The following PATL2 variants were observed in gnomAD, a reference collection of about 807,000 sequenced individuals.
The protein encoded by PATL2 is PAT1 homolog 2, also known as protein PAT1 homolog 2.
A neutral mutation model predicts 77.0 loss-of-function variants in PATL2; 73 were observed. That is an observed-to-expected ratio of 0.95 (90% confidence interval 0.78 to 1.15). The LOEUF (loss-of-function observed/expected upper bound fraction) is 1.15. PATL2 is among the 50% of genes most tolerant of loss of function. The pLI is 0.00. For missense variants in PATL2, 618 were observed against 655.4 expected (o/e 0.94, Z 0.62); for synonymous variants, 265 against 257.1 (o/e 1.03, Z -0.29).
At chr15:44,705,182 CTCTT>C (rs1020185762) in intron 3 of PATL2, among the ~76,000 whole-genome samples, 4 of 151,864 alleles carry the variant, frequency 2.6e-5, no homozygotes, top group African/African-American at 9.7e-5. Flanking sequence ...AGGCCAATAA[CTCTT>C]TTTTTTTTCT....
chr15:44,681,306 A>G (rs2141227224), intron 3 of PATL2, among the ~76,000 whole-genome samples: 1 of 152,318 alleles, frequency 6.6e-6, no homozygotes, highest in African/African-American at 2.4e-5. Flanking sequence ...GATGTGAGCC[A>G]CTTCTCTCGG....
Position 44,668,414 on chromosome 15 carries a change from TTGGAGGAGTTCG to T in PATL2, c.1281_1292del (p.His427_Leu430del). The T allele has an allele frequency of 6.4e-7, 1 of 1,551,458 alleles. No homozygotes were observed. The highest frequency in any genetic ancestry group is 8.7e-7 in the Non-Finnish European group (1 of 1,146,978). On this transcript the variant is annotated inframe_deletion, in exon 15 of 18. Transcript: ENST00000682850. Reference sequence around the variant, plus strand: ...GCAACAGCGTTAATCCCTGAAGTCCTTGGAGGAGTTCGTGGAGGGTCAAGTGACTAATACATT... The same window carrying T: ...GCAACAGCGTTAATCCCTGAAGTCCTTGGAGGGTCAAGTGACTAATACATT...
chr15:44,672,173 A>G lies in PATL2; in HGVS notation c.516-17T>C. 1 of 1,551,698 alleles carries G rather than the reference A, an allele frequency of 6.4e-7. No homozygotes were observed. Among genetic ancestry groups the G allele is most frequent in the Non-Finnish European group, 8.7e-7 (1 of 1,146,984 alleles). ...GCTGGGGGACTTTAAGCCAGGAGGA[A>G]CAACCCTTTAGACTTACCCACCACT... On this transcript the variant is annotated splice_polypyrimidine_tract_variant and intron_variant, in intron 8 of 17. Coordinates refer to ENST00000682850, the MANE Select transcript of PATL2 (RefSeq NM_001387263.1).
At chr15:44,695,022 C>T (rs2086473714) in intron 3 of PATL2, among the ~76,000 whole-genome samples, 1 of 152,050 alleles carries the variant, frequency 6.6e-6, no homozygotes. Context: ...CCGGTCTCTA[C>T]TAAAAATACA....
At chr15:44,678,798 A>C (rs2086059180) in intron 3 of PATL2, among the ~76,000 whole-genome samples, 2 of 152,072 alleles carry the variant, frequency 1.3e-5, no homozygotes, top group South Asian at 4.1e-4. Flanking sequence ...ATTTTTTCTT[A>C]AAGAAAAAAA....
intron 5 of PATL2, chr15:44,675,243 TG>T (rs1323640168): frequency 4.0e-6 from 2 of 494,374 alleles, no homozygotes; most frequent in Non-Finnish European, 3.5e-6. Flanking sequence ...CCACCGCCTG[TG>T]GGCGATGCAC....
chr15:44,699,454 G>A (rs767841672), intron 3 of PATL2, among the ~76,000 whole-genome samples: 4 of 152,014 alleles, frequency 2.6e-5, no homozygotes, highest in Non-Finnish European at 5.9e-5. Context: ...TTCCCATGCC[G>A]CAGTCTCTTG....
intron 3 of PATL2, among the ~76,000 whole-genome samples, chr15:44,704,853 A>G (rs2086699937): frequency 6.6e-6 from 1 of 152,190 alleles, no homozygotes; most frequent in East Asian, 1.9e-4. Context: ...TTTCTCCTTC[A>G]TATTTTCAAG....
rs2086781265 is a variant in PATL2 at position 44,708,260 on chromosome 15, T to C, written c.-76+1836A>G. On this transcript the variant is annotated intron_variant, in intron 3 of 17. Transcript: ENST00000682850. ...TTTTTGTGTGGATCATTATTCAATT[T>C]GGTGTTCCTGCAGGGAGCAGGATTA... Among the ~76,000 whole-genome samples the C allele has an allele frequency of 2.0e-5, 3 of 152,226 alleles. No individual in the cohort carries two copies. The South Asian group carries it at 6.2e-4, about 31-fold the overall frequency.
At chr15:44,675,774 A>C in intron 4 of PATL2, 83 bp from the exon 5 acceptor site, 4 of 1,199,680 alleles carry the variant, frequency 3.3e-6, no homozygotes. Flanking sequence ...ACTCAATAGC[A>C]CTTCTGTTCA....
intron 3 of PATL2, chr15:44,676,816 C>A: frequency 4.3e-6 from 5 of 1,152,992 alleles, no homozygotes; most frequent in Non-Finnish European, 5.4e-6. Context: ...TCCCAACCGA[C>A]ATCACCAGTC....
chr15:44,701,909 G>A (rs970740218), intron 3 of PATL2, among the ~76,000 whole-genome samples: 2 of 151,738 alleles, frequency 1.3e-5, no homozygotes, highest in Admixed American at 1.3e-4. Context: ...GGTGGGGGGA[G>A]GTGTCACATT....
chr15:44,677,723 G>T (rs2086020226), intron 3 of PATL2, among the ~76,000 whole-genome samples: 1 of 152,182 alleles, frequency 6.6e-6, no homozygotes. Context: ...TCTTGTCATG[G>T]TGATAAGACC....
At chr15:44,671,132 A>C (rs1310245808) in intron 9 of PATL2, among the ~76,000 whole-genome samples, 1 of 152,218 alleles carries the variant, frequency 6.6e-6, no homozygotes, top group Non-Finnish European at 1.5e-5. Context: ...AAAAATACCT[A>C]ATGTAAATGA....
chr15:44,672,333 G>A, intron 8 of PATL2, 55 bp downstream of exon 8: 1 of 1,535,758 alleles, frequency 6.5e-7, no homozygotes, highest in South Asian at 1.2e-5. Context: ...GTCACAAGGG[G>A]AGACCCGGCA....
At chr15:44,704,553 T>C (rs2086694324) in intron 3 of PATL2, among the ~76,000 whole-genome samples, 2 of 152,218 alleles carry the variant, frequency 1.3e-5, no homozygotes, top group African/African-American at 4.8e-5. Flanking sequence ...TGTCATATTG[T>C]ACTGTCTATG....
At chr15:44,682,319 G>T (rs748149918) in intron 3 of PATL2, among the ~76,000 whole-genome samples, 4 of 152,184 alleles carry the variant, frequency 2.6e-5, no homozygotes, top group Non-Finnish European at 5.9e-5. Flanking sequence ...CTTCCAGCCT[G>T]GGATAGGCAC....
intron 3 of PATL2, among the ~76,000 whole-genome samples, chr15:44,680,004 T>C (rs1257219388): frequency 1.3e-5 from 2 of 152,190 alleles, no homozygotes; most frequent in African/African-American, 4.8e-5. Context: ...TGAGTTCCAG[T>C]GTGGCAGCCC....
chr15:44,668,448 C>T lies in PATL2; in HGVS notation c.1259G>A (p.Cys420Tyr). Reference sequence around the variant, plus strand: ...TTCGTGGAGGGTCAAGTGACTAATACATTTGCCCAGAGGTTTGAATAACAT... The same window carrying T: ...TTCGTGGAGGGTCAAGTGACTAATATATTTGCCCAGAGGTTTGAATAACAT... ...LQMLFKPLGK[C>Y]ISHLTLHELL... Residue 420 changes from cysteine to tyrosine, a missense_variant, in exon 15 of 18, where the codon TGT becomes TAT. Coordinates refer to ENST00000682850, the MANE Select transcript of PATL2 (RefSeq NM_001387263.1). 1 of 1,551,410 alleles carries T rather than the reference C, an allele frequency of 6.4e-7. No individual in the cohort carries two copies. Among genetic ancestry groups the T allele is most frequent in the South Asian group, 1.2e-5 (1 of 84,048 alleles).
Sources: allele counts gnomAD v4.1 joint callset (sites outside exome capture counted in the v4.1 genomes callset), GRCh38; gene constraint gnomAD v4.1.1; transcripts MANE v1.5; gene names NCBI Gene and HGNC (gene_info 2026-07-23, HGNC 2026-07-21).